ATOSA: variants seen among roughly 807,000 people sequenced by gnomAD.
ATOSA encodes the protein atos homolog protein A.
At chr15:52,672,167 T>C in the ATOSA span, among the ~76,000 whole-genome samples, 2 of 14,314 alleles carry the variant, frequency 1.4e-4, no homozygotes, top group South Asian at 1.7e-3. Flanking sequence ...TGAGACCCCA[T>C]TTCTCAAAAA....
chr15:52,626,610 G>A, the ATOSA span, among the ~76,000 whole-genome samples: 1 of 151,584 alleles, frequency 6.6e-6, no homozygotes, highest in Non-Finnish European at 1.5e-5. Flanking sequence ...TTAATTTACA[G>A]GTGAGGAAAT....
chr15:52,697,647 C>CA, the ATOSA span, among the ~76,000 whole-genome samples: 1 of 151,596 alleles, frequency 6.6e-6, no homozygotes, highest in African/African-American at 2.4e-5. Context: ...TAAATGTTTG[C>CA]AAACCAGACT....
chr15:52,656,805 T>A, the ATOSA span: 1 of 152,124 alleles, frequency 6.6e-6, no homozygotes, highest in Non-Finnish European at 1.5e-5. Context: ...CCTATATACT[T>A]TGTCTTTGTA....
chr15:52,678,033 A>G, the ATOSA span: 4 of 1,613,954 alleles, frequency 2.5e-6, no homozygotes, highest in Non-Finnish European at 1.7e-6. Context: ...TTCACATCCA[A>G]TTTTCGCCCA....
chr15:52,673,476 G>T, the ATOSA span, among the ~76,000 whole-genome samples: 1 of 152,150 alleles, frequency 6.6e-6, no homozygotes, highest in Non-Finnish European at 1.5e-5. Flanking sequence ...ACTCAGTTTC[G>T]TTTATCCATA....
chr15:52,622,429 C>G, the ATOSA span, among the ~76,000 whole-genome samples: 1 of 152,128 alleles, frequency 6.6e-6, no homozygotes, highest in Non-Finnish European at 1.5e-5. Context: ...GTTAACATAA[C>G]CACTATGTAG....
chr15:52,658,613 A>G, the ATOSA span: 32 of 396,616 alleles, frequency 8.1e-5, no homozygotes, highest in Non-Finnish European at 1.3e-4. Flanking sequence ...ACAAACCATC[A>G]AACATGCATG....
chr15:52,632,937 G>A, the ATOSA span, among the ~76,000 whole-genome samples: 2 of 152,044 alleles, frequency 1.3e-5, no homozygotes, highest in Non-Finnish European at 2.9e-5. Flanking sequence ...AAATAAAATT[G>A]TCCTTTAATA....
chr15:52,666,395 CT>C, the ATOSA span, among the ~76,000 whole-genome samples: 1 of 152,144 alleles, frequency 6.6e-6, no homozygotes, highest in Non-Finnish European at 1.5e-5. Flanking sequence ...CGCACAATAC[CT>C]GATAAGTAAA....
chr15:52,673,469 C>T, the ATOSA span, among the ~76,000 whole-genome samples: 9 of 152,330 alleles, frequency 5.9e-5, no homozygotes, highest in African/African-American at 2.2e-4. Flanking sequence ...CTCTATGACT[C>T]AGTTTCGTTT....
At chr15:52,652,157 C>G in the ATOSA span, 2 of 1,030,378 alleles carry the variant, frequency 1.9e-6, no homozygotes, top group Admixed American at 7.4e-5. Context: ...AGCTTCCTGT[C>G]TACTTGGCAG....
chr15:52,621,841 ATACT>A, the ATOSA span, among the ~76,000 whole-genome samples: 1 of 147,802 alleles, frequency 6.8e-6, no homozygotes, highest in Non-Finnish European at 1.5e-5. Context: ...ATACACTAAC[ATACT>A]TACTTTTTCT....
the ATOSA span, among the ~76,000 whole-genome samples, chr15:52,680,424 A>G: frequency 6.6e-6 from 1 of 152,186 alleles, no homozygotes; most frequent in Non-Finnish European, 1.5e-5. Flanking sequence ...GTATTAGGAC[A>G]AGTCTAAGGG....
the ATOSA span, among the ~76,000 whole-genome samples, chr15:52,601,575 C>A: frequency 6.6e-6 from 1 of 151,482 alleles, no homozygotes; most frequent in Non-Finnish European, 1.5e-5. Context: ...GAGCCTGAGG[C>A]CCCACCAGCA....
chr15:52,605,873 G>A, the ATOSA span, among the ~76,000 whole-genome samples: 48 of 151,970 alleles, frequency 3.2e-4, no homozygotes, highest in South Asian at 1.0e-2. Flanking sequence ...ACCACGTGTA[G>A]TACAAAACAA....
the ATOSA span, among the ~76,000 whole-genome samples, chr15:52,699,704 C>G: frequency 1.2e-4 from 19 of 152,126 alleles, no homozygotes; most frequent in Admixed American, 3.9e-4. Flanking sequence ...ATTGCCCCCT[C>G]CAGCCTTATC....
the ATOSA span, among the ~76,000 whole-genome samples, chr15:52,599,831 C>T: frequency 6.6e-6 from 1 of 152,124 alleles, no homozygotes; most frequent in African/African-American, 2.4e-5. Flanking sequence ...CCCAATTTTA[C>T]CAAGTAAGAA....
chr15:52,664,513 T>C, the ATOSA span, among the ~76,000 whole-genome samples: 36 of 152,348 alleles, frequency 2.4e-4, no homozygotes, highest in African/African-American at 8.2e-4. Flanking sequence ...AATTAAGACA[T>C]GGAGAGTTTA....
chr15:52,601,794 A>C, the ATOSA span, among the ~76,000 whole-genome samples: 17 of 151,850 alleles, frequency 1.1e-4, no homozygotes, highest in South Asian at 3.6e-3. Flanking sequence ...TACAAGTTAG[A>C]CAGTTTTGTT....
Sources: gnomAD v4.1 joint callset for allele counts (sites outside exome capture counted in the v4.1 genomes callset) on GRCh38, gnomAD v4.1.1 for gene constraint, MANE v1.5 for transcripts, NCBI Gene and HGNC (gene_info 2026-07-23, HGNC 2026-07-21) for gene names.